Variants in REXO5 observed in about 807,000 individuals in gnomAD.
REXO5 encodes exonuclease NEF-sp.
In REXO5, 48 loss-of-function variants were observed where a neutral mutation model predicts 88.5. The ratio of observed to expected loss-of-function variants is 0.54; its 90% CI spans 0.43 to 0.69. REXO5 has a LOEUF of 0.69. REXO5 is among the 30% of genes least tolerant of loss of function. The pLI is 0.00. For synonymous variants in REXO5, 311 were observed against 336.5 expected, an observed-to-expected ratio of 0.92 and a Z score of 0.83; for missense variants, 749 against 912.2, an observed-to-expected ratio of 0.82 and a Z score of 2.30.
rs755742412 is a variant in REXO5 at position 20,846,203 on chromosome 16, A to G, written c.2125-18A>G. The G allele has an allele frequency of 1.3e-6, 2 of 1,599,290 alleles. No homozygotes were observed. The highest frequency in any genetic ancestry group is 2.2e-5 in the South Asian group (2 of 90,786). On this transcript the variant is annotated intron_variant, in intron 18 of 19. Coordinates refer to ENST00000261377, the MANE Select transcript of REXO5 (RefSeq NM_030941.3). The stretch of plus-strand genomic sequence containing the variant: ...GAGAGTGTTCTGGCTGAGTATCGAC[A>G]CATGGCTTTGATCCCAGACTCTGAA...
chr16:20,839,615 G>C (rs918277234), intron 13 of REXO5, 140 bp from the exon 14 acceptor site: 12 of 494,648 alleles, frequency 2.4e-5, no homozygotes, highest in Non-Finnish European at 3.6e-5. Context: ...CCATTTTCCT[G>C]CAGACCTGGA....
At chr16:20,822,062 C>T (rs1397308047) in intron 6 of REXO5, among the ~76,000 whole-genome samples, 160 bp downstream of exon 6, 4 of 152,176 alleles carry the variant, frequency 2.6e-5, no homozygotes, top group Non-Finnish European at 4.4e-5. Context: ...CAGTGTATCT[C>T]AAAAGTGTGT....
At chr16:20,843,851 T>A in intron 15 of REXO5, 83 bp from the exon 16 acceptor site, 1 of 941,880 alleles carries the variant, frequency 1.1e-6, no homozygotes, top group South Asian at 1.5e-5. Context: ...CTTTGGCCAC[T>A]GTAGTTTGAA....
At chr16:20,828,569 T>C (rs1447738591) in intron 11 of REXO5, 32 bp downstream of exon 11, 2 of 1,424,786 alleles carry the variant, frequency 1.4e-6, no homozygotes, top group African/African-American at 1.4e-5. Context: ...GTTCACCTTT[T>C]CTTAAAATCA....
chr16:20,809,186 C>T (rs1229266317), intron 2 of REXO5, among the ~76,000 whole-genome samples: 1 of 152,166 alleles, frequency 6.6e-6, no homozygotes, highest in Non-Finnish European at 1.5e-5. Flanking sequence ...AGAATAGTAT[C>T]AAAACCTCCC....
chr16:20,846,216 C>G lies in REXO5; in HGVS notation c.2125-5C>G. ...CTGAGTATCGACACATGGCTTTGAT[C>G]CCAGACTCTGAAACTGGACCACCCG... On this transcript the variant is annotated splice_polypyrimidine_tract_variant and splice_region_variant and intron_variant, in intron 18 of 19. Coordinates refer to ENST00000261377, the MANE Select transcript of REXO5 (RefSeq NM_030941.3). 2 of 1,612,110 alleles carry G rather than the reference C, an allele frequency of 1.2e-6. No individual in the cohort carries two copies. Among genetic ancestry groups the G allele is most frequent in the Non-Finnish European group, 1.7e-6 (2 of 1,178,266 alleles).
intron 2 of REXO5, among the ~76,000 whole-genome samples, chr16:20,810,634 G>A (rs766489865): frequency 4.6e-5 from 7 of 152,136 alleles, no homozygotes; most frequent in Non-Finnish European, 8.8e-5. Context: ...GACCTCAAGT[G>A]ATCTGCCCAC....
chr16:20,847,435 T>G (rs887989974), intron 19 of REXO5, among the ~76,000 whole-genome samples: 6 of 102,090 alleles, frequency 5.9e-5, no homozygotes, highest in African/African-American at 1.8e-4. Context: ...GACTCTTATC[T>G]CAAAAAAAAA....
At chr16:20,814,593 C>T (rs548872524) in intron 3 of REXO5, among the ~76,000 whole-genome samples, 4 of 152,172 alleles carry the variant, frequency 2.6e-5, no homozygotes, top group South Asian at 4.1e-4. Flanking sequence ...TAGGAAGGAC[C>T]GCAGAGTAGG....
At chr16:20,845,311 C>T (rs1248995827) in intron 18 of REXO5, 70 bp downstream of exon 18, 1 of 1,083,070 alleles carries the variant, frequency 9.2e-7, no homozygotes, top group Non-Finnish European at 1.3e-6. Context: ...ATCCTTTAAT[C>T]TTTTTTTTTT....
chr16:20,821,654 A>G (rs994049217), intron 5 of REXO5, 108 bp from the exon 6 acceptor site: 4 of 1,054,440 alleles, frequency 3.8e-6, no homozygotes, highest in African/African-American at 3.2e-5. Context: ...GCTGAGTTTT[A>G]TACATCTTTT....
At chr16:20,838,530 G>C (rs2081474055) in intron 13 of REXO5, among the ~76,000 whole-genome samples, 1 of 152,122 alleles carries the variant, frequency 6.6e-6, no homozygotes, top group Non-Finnish European at 1.5e-5. Context: ...AGCCTAGTTA[G>C]AGATTTCATG....
chr16:20,846,429 C>A, intron 19 of REXO5, 90 bp downstream of exon 19: 1 of 873,348 alleles, frequency 1.1e-6, no homozygotes, highest in South Asian at 1.5e-5. Flanking sequence ...TATTTAGGCA[C>A]ATAGTGAGGA....
At chr16:20,832,848 C>G (rs2081367495) in intron 12 of REXO5, among the ~76,000 whole-genome samples, 155 bp from the exon 13 acceptor site, 1 of 152,110 alleles carries the variant, frequency 6.6e-6, no homozygotes, top group Non-Finnish European at 1.5e-5. Context: ...TTGACTAGTG[C>G]AGTTGAGGAA....
At chr16:20,842,482 G>GT (rs34872779) in intron 15 of REXO5, among the ~76,000 whole-genome samples, 39,109 of 140,208 alleles carry the variant, frequency 0.28, 5,749 homozygotes, top group East Asian at 0.62. Context: ...TGTTTTGTTT[G>GT]TTTTTTTTTT....
At chr16:20,812,176 G>A (rs1292813321) in intron 2 of REXO5, among the ~76,000 whole-genome samples, 2 of 152,102 alleles carry the variant, frequency 1.3e-5, no homozygotes, top group African/African-American at 2.4e-5. Flanking sequence ...CTCTGTTAAT[G>A]AGTCTTTTGT....
intron 19 of REXO5, among the ~76,000 whole-genome samples, chr16:20,848,924 C>T (rs2081652002): frequency 6.6e-6 from 1 of 152,184 alleles, no homozygotes; most frequent in African/African-American, 2.4e-5. Context: ...TTATTGATAT[C>T]CTGGTTCTGT....
In REXO5 at chr16:20,845,148, C is replaced by T. The variant is rs1405873034; in HGVS notation, c.2031C>T (p.His677=). 1.2e-6 allele frequency: 2 copies of T among 1,614,052 alleles called. No homozygotes were observed. The highest frequency in any genetic ancestry group is 1.3e-5 in the African/African-American group (1 of 75,048). ...LKGRHALTPR[H]LHAWLRGLPP... Reference sequence around the variant, plus strand: ...GCAGGCATGCCCTAACCCCCAGGCACCTCCATGCCTGGCTCAGAGGCTTAC... The same window carrying T: ...GCAGGCATGCCCTAACCCCCAGGCATCTCCATGCCTGGCTCAGAGGCTTAC... Residue 677 remains histidine, a synonymous_variant, in exon 18 of 20, where the codon CAC becomes CAT. Transcript: ENST00000261377.
chr16:20,821,205 C>G (rs1476375663), intron 5 of REXO5: 1 of 152,200 alleles, frequency 6.6e-6, no homozygotes, highest in African/African-American at 2.4e-5. Flanking sequence ...TTCTTGATCT[C>G]TGACACTCTA....
Sources: allele counts gnomAD v4.1 joint callset (sites outside exome capture counted in the v4.1 genomes callset), GRCh38; gene constraint gnomAD v4.1.1; transcripts MANE v1.5; gene names NCBI Gene and HGNC (gene_info 2026-07-23, HGNC 2026-07-21).